The following PRKAA2 variants were observed in gnomAD, a reference collection of about 807,000 sequenced individuals.
PRKAA2 encodes 5'-AMP-activated protein kinase catalytic subunit alpha-2.
A neutral mutation model predicts 56.3 loss-of-function variants in PRKAA2; 40 were observed. The ratio of observed to expected loss-of-function variants is 0.71; its 90% CI spans 0.55 to 0.92. PRKAA2 has a LOEUF of 0.92. Ranked by LOEUF, PRKAA2 falls within the 40% of genes least tolerant of loss-of-function variation. The pLI, the probability that PRKAA2 is intolerant of heterozygous loss-of-function variation, is 0.00. For synonymous variants in PRKAA2, 214 were observed against 234.2 expected, an observed-to-expected ratio of 0.91 and a Z score of 0.79; for missense variants, 542 against 686.9, an observed-to-expected ratio of 0.79 and a Z score of 2.36.
At chr1:56,689,167 T>A (rs1644211141) in intron 2 of PRKAA2, among the ~76,000 whole-genome samples, 1 of 152,150 alleles carries the variant, frequency 6.6e-6, no homozygotes, top group African/African-American at 2.4e-5. Flanking sequence ...TGATTGAAAA[T>A]TGTTACTAAA....
At chr1:56,656,269 C>G (rs1643940794) in intron 1 of PRKAA2, among the ~76,000 whole-genome samples, 3 of 152,108 alleles carry the variant, frequency 2.0e-5, no homozygotes, top group African/African-American at 7.2e-5. Flanking sequence ...AAGTCTAATA[C>G]ATGTATTATT....
Position 56,713,057 on chromosome 1 carries a change from C to G in PRKAA2, c.*5344C>G, listed in dbSNP as rs558576312. 29 of 152,110 alleles carry G rather than the reference C, an allele frequency of 1.9e-4. No homozygotes were observed. The South Asian group carries it at 5.6e-3, about 29-fold the overall frequency. 9.4% of individuals were successfully genotyped at this position (152,110 alleles called of 1,614,324 possible). The stretch of plus-strand genomic sequence containing the variant: ...AATTATTAGCTTGATAGAGTTTCTC[C>G]CAAACCTTATAAAACTTTGAAATGT... On this transcript the variant is annotated 3_prime_UTR_variant, in exon 9 of 9. Coordinates refer to ENST00000371244, the MANE Select transcript of PRKAA2 (RefSeq NM_006252.4).
At chr1:56,674,999 T>A (rs192235200) in intron 2 of PRKAA2, among the ~76,000 whole-genome samples, 1 of 152,094 alleles carries the variant, frequency 6.6e-6, no homozygotes, top group East Asian at 1.9e-4. Flanking sequence ...GAACTGAAAG[T>A]AGTACTATAA....
chr1:56,700,005 G>A (rs1186119381), intron 6 of PRKAA2, among the ~76,000 whole-genome samples: 1 of 152,166 alleles, frequency 6.6e-6, no homozygotes, highest in East Asian at 1.9e-4. Context: ...AACGAAGATT[G>A]AATTGTTTCT....
rs958857014 is a variant in PRKAA2, at chr1:56,713,625, T to C, written c.*5912T>C. ...CAAGGTTCATACAGTGCATACAGTG[T>C]GACCTTTTCTGAGGTGGGCAGGGAG... On this transcript the variant is annotated 3_prime_UTR_variant, in exon 9 of 9. Transcript: ENST00000371244. 6.6e-6 allele frequency: 1 copy of C among 152,126 alleles called. No individual in the cohort carries two copies. Among genetic ancestry groups the C allele is most frequent in the Non-Finnish European group, 1.5e-5 (1 of 68,010 alleles). The allele number at this position is 152,126 out of a possible 1,614,324, so 9.4% of individuals were successfully genotyped here. A position where few individuals can be genotyped will look rare whatever the true frequency, so the allele number is the denominator to read the frequency against.
At chr1:56,688,858 C>G (rs924369082) in intron 2 of PRKAA2, among the ~76,000 whole-genome samples, 1 of 152,182 alleles carries the variant, frequency 6.6e-6, no homozygotes, top group African/African-American at 2.4e-5. Flanking sequence ...GAGGCACCAA[C>G]TTTTGATCTC....
chr1:56,689,520 C>T (rs1157598172), intron 2 of PRKAA2, among the ~76,000 whole-genome samples: 1 of 152,016 alleles, frequency 6.6e-6, no homozygotes, highest in Non-Finnish European at 1.5e-5. Flanking sequence ...GAGTTCGAGA[C>T]CAGCCTGGCC....
intron 1 of PRKAA2, among the ~76,000 whole-genome samples, chr1:56,653,279 A>G (rs928466103): frequency 3.3e-5 from 5 of 149,878 alleles, no homozygotes; most frequent in Non-Finnish European, 5.9e-5. Context: ...TATAATATAT[A>G]TATAATTTAT....
At chr1:56,659,006 T>A (rs1361790328) in intron 1 of PRKAA2, among the ~76,000 whole-genome samples, 1 of 150,798 alleles carries the variant, frequency 6.6e-6, no homozygotes. Context: ...TCTTCCTATG[T>A]TGCCAGGGCT....
intron 1 of PRKAA2, among the ~76,000 whole-genome samples, chr1:56,646,029 C>G (rs887661355): frequency 2.0e-5 from 3 of 152,184 alleles, no homozygotes; most frequent in Non-Finnish European, 4.4e-5. Context: ...GATGTAGTAA[C>G]AAGCCCAAGG....
At chr1:56,657,676 AAAATAAAT>A (rs57230699) in intron 1 of PRKAA2, among the ~76,000 whole-genome samples, 2 of 151,980 alleles carry the variant, frequency 1.3e-5, no homozygotes, top group African/African-American at 4.8e-5. Context: ...ACTCCATCTC[AAAATAAAT>A]AAATAAATAA....
chr1:56,662,762 G>T (rs531003682), intron 1 of PRKAA2, among the ~76,000 whole-genome samples: 105 of 151,326 alleles, frequency 6.9e-4, no homozygotes, highest in African/African-American at 1.3e-3. Flanking sequence ...GTGTGTGTGT[G>T]TTTTTTTTTA....
chr1:56,694,664 T>A (rs1257987169), intron 5 of PRKAA2, among the ~76,000 whole-genome samples: 1 of 151,994 alleles, frequency 6.6e-6, no homozygotes, highest in African/African-American at 2.4e-5. Context: ...ACAAGGGATC[T>A]CTCTGGGGTC....
Position 56,692,456 on chromosome 1 carries a change from GA to G in PRKAA2, c.431del (p.Asn144MetfsTer8). On this transcript the variant is annotated frameshift_variant, in exon 4 of 9. Transcript: ENST00000371244. LOFTEE classifies it high-confidence loss of function. ...MVVHRDLKPE[N>X]VLLDAHMNAK... ...TTGTTCATCGAGACCTGAAACCAGA[GA>G]ATGTCCTGTTGGATGCACACATGAA... The G allele has an allele frequency of 6.2e-7, 1 of 1,614,132 alleles. No homozygotes were observed. Among genetic ancestry groups the G allele is most frequent in the Non-Finnish European group, 8.5e-7 (1 of 1,180,000 alleles).
chr1:56,682,724 G>A (rs941162956), intron 2 of PRKAA2, among the ~76,000 whole-genome samples: 10 of 152,182 alleles, frequency 6.6e-5, no homozygotes, highest in Admixed American at 2.6e-4. Flanking sequence ...GGAAGCTATT[G>A]CTATAGTCTA....
chr1:56,675,028 G>A (rs975208593), intron 2 of PRKAA2, among the ~76,000 whole-genome samples: 2 of 151,922 alleles, frequency 1.3e-5, no homozygotes, highest in Admixed American at 6.6e-5. Context: ...CTTTTAGGAA[G>A]GCAAATGTGT....
chr1:56,659,763 C>A (rs1361964252), intron 1 of PRKAA2, among the ~76,000 whole-genome samples: 1 of 151,904 alleles, frequency 6.6e-6, no homozygotes, highest in Admixed American at 6.6e-5. Flanking sequence ...TAAAAATTAG[C>A]CAGCCATGGT....
At position 56,692,384 on chromosome 1, in the gene PRKAA2, C is replaced by G. The variant is rs775295738; in HGVS notation, c.357C>G (p.Leu119=). The change falls in exon 4 of 9, where the codon CTC becomes CTG. Residue 119 remains leucine (L), a synonymous_variant. Transcript: ENST00000371244. The stretch of plus-strand genomic sequence containing the variant: ...TTGAAGAGATGGAAGCCAGGCGGCT[C>G]TTTCAGCAGATTCTGTCTGCTGTGG... ...GRVEEMEARR[L]FQQILSAVDY... is the part of the protein sequence containing the mutation. 7 of 1,613,940 alleles carry G rather than the reference C, an allele frequency of 4.3e-6. No individual in the cohort carries two copies. Among genetic ancestry groups the G allele is most frequent in the East Asian group, 2.2e-5 (1 of 44,882 alleles).
chr1:56,706,698 A>G (rs1440716082), intron 8 of PRKAA2, among the ~76,000 whole-genome samples: 1 of 152,192 alleles, frequency 6.6e-6, no homozygotes, highest in Non-Finnish European at 1.5e-5. Flanking sequence ...GCGTCAGGGA[A>G]AATTGTCATG....
Sources: allele counts gnomAD v4.1 joint callset (sites outside exome capture counted in the v4.1 genomes callset), GRCh38; gene constraint gnomAD v4.1.1; transcripts MANE v1.5; gene names NCBI Gene and HGNC (gene_info 2026-07-23, HGNC 2026-07-21).